ELAPOR1: variants seen among roughly 807,000 people sequenced by gnomAD.
The protein encoded by ELAPOR1 is endosome/lysosome-associated apoptosis and autophagy regulator 1.
A neutral mutation model predicts 119.7 loss-of-function variants in ELAPOR1; 77 were observed. That is an observed-to-expected ratio of 0.64 (90% CI 0.54 to 0.78). The LOEUF (loss-of-function observed/expected upper bound fraction) is 0.78, where lower values mean the gene tolerates loss of function less well. Among genes scored for constraint, ELAPOR1 ranks in the 30% least tolerant of loss-of-function variants. The pLI is 0.00. For synonymous variants in ELAPOR1, 481 were observed against 487.2 expected, an observed-to-expected ratio of 0.99 and a Z score of 0.17; for missense variants, 1,115 against 1,270.4, an observed-to-expected ratio of 0.88 and a Z score of 1.86.
chr1:109,164,816 G>GCCTCACCCTGGCAGC, intron 3 of ELAPOR1, 125 bp downstream of exon 3: 1 of 934,296 alleles, frequency 1.1e-6, no homozygotes, highest in South Asian at 1.7e-5. Context: ...AGGAAGCCAG[G>GCCTCACCCTGGCAGC]CTGCCAGGGT....
chr1:109,158,751 C>G (rs1339413590), intron 1 of ELAPOR1, among the ~76,000 whole-genome samples: 1 of 152,114 alleles, frequency 6.6e-6, no homozygotes, highest in Admixed American at 6.5e-5. Context: ...AAATTATATA[C>G]TTTCAGACAG....
intron 8 of ELAPOR1, 77 bp from the exon 9 acceptor site, chr1:109,188,100 C>G (rs1383951131): frequency 6.6e-7 from 1 of 1,521,886 alleles, no homozygotes; most frequent in Non-Finnish European, 8.9e-7. Context: ...CTGCCCCCAG[C>G]CCCTATCCTC....
intron 1 of ELAPOR1, among the ~76,000 whole-genome samples, chr1:109,118,669 C>T (rs140169016): frequency 3.9e-4 from 59 of 152,164 alleles, no homozygotes; most frequent in Non-Finnish European, 6.5e-4. Flanking sequence ...GTGATGGTGA[C>T]GGGCGGGTCA....
At position 109,185,060 on chromosome 1, in the gene ELAPOR1, C is replaced by G. The variant is rs1333190084; in HGVS notation, c.968C>G (p.Ser323Cys). The part of the protein sequence containing the change: ...PDKYSEKGSS[S>C]CNVRPACTDK... ...GGCAATTTAGAGAAAGGATCTTCTT[C>G]CTGTAACGTGCGCCCAGCTTGCACA... The change falls in exon 8 of 22, where the codon TCC (serine) becomes TGC (cysteine). Residue 323 changes from serine (S) to cysteine (C), a missense_variant. Ser to Cys is a moderately radical substitution (Grantham distance 112). Transcript: ENST00000369939. The G allele has an allele frequency of 1.9e-6, 3 of 1,614,034 alleles. No homozygotes were observed. In the East Asian group the frequency reaches 6.7e-5, roughly 36 times the overall value.
chr1:109,185,247 C>A, intron 8 of ELAPOR1, 114 bp downstream of exon 8: 1 of 819,518 alleles, frequency 1.2e-6, no homozygotes, highest in East Asian at 2.5e-5. Flanking sequence ...AGTTAAAACC[C>A]CACAGACCTT....
intron 21 of ELAPOR1, 169 bp from the exon 22 acceptor site, chr1:109,202,775 C>A (rs576503725): frequency 4.5e-5 from 33 of 733,676 alleles, no homozygotes; most frequent in Admixed American, 1.3e-4. Context: ...TCCAACTGAC[C>A]CTGAAGGGAG....
intron 1 of ELAPOR1, among the ~76,000 whole-genome samples, chr1:109,114,912 A>G (rs527991465): frequency 6.6e-6 from 1 of 152,246 alleles, no homozygotes; most frequent in South Asian, 2.1e-4. Flanking sequence ...TCCTCCTTAT[A>G]GCTTGGCCTC....
At position 109,171,892 on chromosome 1, in the gene ELAPOR1, A is replaced by C; in HGVS notation, c.494A>C (p.Tyr165Ser). 6.2e-7 allele frequency: 1 copy of C among 1,614,202 alleles called. No homozygotes were observed. The highest frequency in any genetic ancestry group is 1.3e-5 in the African/African-American group (1 of 75,050). Reference protein sequence around the residue: ...TSSKWVPRGDYIASNTDECTA... With the variant: ...TSSKWVPRGDSIASNTDECTA... ...TCCAAGTGGGTTCCCCGGGGCGACT[A>C]CATCGCCTCCAACACGGACGAATGC... The change falls in exon 4 of 22, where the codon TAC becomes TCC. Residue 165 changes from tyrosine (Y) to serine (S), a missense_variant. Transcript: ENST00000369939.
chr1:109,157,397 T>G (rs1425813488), intron 1 of ELAPOR1, among the ~76,000 whole-genome samples: 2 of 152,176 alleles, frequency 1.3e-5, no homozygotes, highest in African/African-American at 4.8e-5. Flanking sequence ...GTGATGTGCT[T>G]GACCTACATC....
intron 3 of ELAPOR1, among the ~76,000 whole-genome samples, chr1:109,169,660 C>G (rs1258544897): frequency 1.3e-5 from 2 of 152,208 alleles, no homozygotes; most frequent in African/African-American, 4.8e-5. Context: ...AACCCTGTGA[C>G]TCCCCACTAT....
In ELAPOR1 at chr1:109,194,600, G is replaced by T. The variant is rs771670235; in HGVS notation, c.2121+6G>T. The stretch of plus-strand genomic sequence containing the variant: ...TCAGTCTCTGTGGAAACCAGGTAAG[G>T]TATACCAGTTGACAGGGTGAAAATT... On this transcript the variant is annotated splice_donor_region_variant and intron_variant, in intron 15 of 21. Transcript: ENST00000369939. The T allele has an allele frequency of 3.1e-6, 5 of 1,612,934 alleles. No homozygotes were observed. Among genetic ancestry groups the T allele is most frequent in the African/African-American group, 1.3e-5 (1 of 74,922 alleles).
In ELAPOR1 at chr1:109,194,413, C is replaced by A. The variant is rs752871156; in HGVS notation, c.1948-8C>A. 7 of 1,612,460 alleles carry A rather than the reference C, an allele frequency of 4.3e-6. No homozygotes were observed. The South Asian group carries it at 5.5e-5, about 13-fold the overall frequency. On this transcript the variant is annotated splice_region_variant and splice_polypyrimidine_tract_variant and intron_variant, in intron 14 of 21. Transcript: ENST00000369939. ...CCAGCTGGCCCGACCCGTCCCTCTC[C>A]CCCTCAGATCCACTCTCTGTGCTAC... is the stretch of plus-strand genomic sequence containing the variant.
intron 7 of ELAPOR1, among the ~76,000 whole-genome samples, chr1:109,181,899 A>T (rs1652721116): frequency 6.6e-6 from 1 of 152,184 alleles, no homozygotes; most frequent in Non-Finnish European, 1.5e-5. Flanking sequence ...CAAGACTGCA[A>T]TTAGGAGATT....
intron 3 of ELAPOR1, among the ~76,000 whole-genome samples, chr1:109,168,597 C>T (rs982828353): frequency 2.0e-5 from 3 of 151,980 alleles, no homozygotes; most frequent in Non-Finnish European, 2.9e-5. Context: ...ACAGGAGTGA[C>T]GTGGGTGTAA....
chr1:109,169,898 G>A (rs1055506432), intron 3 of ELAPOR1, among the ~76,000 whole-genome samples: 11 of 152,190 alleles, frequency 7.2e-5, no homozygotes, highest in Non-Finnish European at 1.2e-4. Flanking sequence ...GAACACAGCA[G>A]AATGTGCACA....
chr1:109,175,888 A>G (rs1019796393), intron 7 of ELAPOR1, among the ~76,000 whole-genome samples: 1 of 151,576 alleles, frequency 6.6e-6, no homozygotes, highest in Non-Finnish European at 1.5e-5. Context: ...TAGATTTAAA[A>G]TGTATAAATT....
Position 109,191,559 on chromosome 1 carries a change from C to T in ELAPOR1, c.1545+88C>T, listed in dbSNP as rs569606356. ...ATTGGTGTGTCCACGTGACTGACAC[C>T]CCCCCTTGTAGTGATTCCACAGAGG... On this transcript the variant is annotated intron_variant, in intron 12 of 21. Coordinates refer to ENST00000369939, the MANE Select transcript of ELAPOR1 (RefSeq NM_020775.5). 13 of 1,381,320 alleles carry T rather than the reference C, an allele frequency of 9.4e-6. No homozygotes were observed. In the Admixed American group the frequency reaches 2.1e-4, roughly 22 times the overall value. 85.6% of individuals were successfully genotyped at this position (1,381,320 alleles called of 1,614,324 possible).
At chr1:109,117,515 T>A (rs1648094557) in intron 1 of ELAPOR1, among the ~76,000 whole-genome samples, 1 of 152,296 alleles carries the variant, frequency 6.6e-6, no homozygotes, top group Non-Finnish European at 1.5e-5. Context: ...TGGATTGGAA[T>A]AAAATTTGTT....
chr1:109,201,903 C>G (rs936339387), intron 21 of ELAPOR1, among the ~76,000 whole-genome samples: 5 of 152,110 alleles, frequency 3.3e-5, no homozygotes, highest in African/African-American at 1.2e-4. Flanking sequence ...AGTTCAAGAT[C>G]AGCCTAGACA....
Sources: gnomAD v4.1 joint callset for allele counts (sites outside exome capture counted in the v4.1 genomes callset) on GRCh38, gnomAD v4.1.1 for gene constraint, MANE v1.5 for transcripts, NCBI Gene and HGNC (gene_info 2026-07-23, HGNC 2026-07-21) for gene names.